The following NCOA1 variants were observed in gnomAD, a reference collection of about 807,000 sequenced individuals.
NCOA1 encodes nuclear receptor coactivator 1.
NCOA1 carries 35 observed loss-of-function variants against 150.9 expected under a neutral mutation model. The observed-to-expected ratio is 0.23, with a 90% CI of 0.18 to 0.31. The LOEUF (loss-of-function observed/expected upper bound fraction) is 0.31, where lower values mean the gene tolerates loss of function less well. NCOA1 is among the 10% of genes least tolerant of loss of function. NCOA1 has a pLI of 1.00. For missense variants in NCOA1, 1,491 were observed against 1,749.3 expected (o/e 0.85, Z 2.63); for synonymous variants, 590 against 630.0 (o/e 0.94, Z 0.95).
At chr2:24,531,346 C>T (rs538706162) in intron 1 of NCOA1, among the ~76,000 whole-genome samples, 47 of 152,012 alleles carry the variant, frequency 3.1e-4, no homozygotes, top group Admixed American at 1.6e-3. Context: ...TCAGCCAATG[C>T]GTGGGTAAAG....
chr2:24,708,545 G>C (rs1304084167), intron 13 of NCOA1, among the ~76,000 whole-genome samples: 1 of 151,938 alleles, frequency 6.6e-6, no homozygotes, highest in Non-Finnish European at 1.5e-5. Flanking sequence ...AAGTAAACAG[G>C]TATCTTCATT....
chr2:24,667,240 C>T (rs1292798235), intron 6 of NCOA1, among the ~76,000 whole-genome samples: 1 of 152,158 alleles, frequency 6.6e-6, no homozygotes, highest in East Asian at 1.9e-4. Context: ...CTCTCTGCCC[C>T]TTCCCTGCTT....
intron 13 of NCOA1, among the ~76,000 whole-genome samples, chr2:24,709,487 C>T (rs943050315): frequency 6.6e-6 from 1 of 152,144 alleles, no homozygotes; most frequent in South Asian, 2.1e-4. Flanking sequence ...CTAGTCTAGT[C>T]TCGTGACCAT....
intron 1 of NCOA1, among the ~76,000 whole-genome samples, chr2:24,523,631 GAAAC>G (rs1664525087): frequency 1.8e-5 from 1 of 55,898 alleles, no homozygotes; most frequent in Non-Finnish European, 3.5e-5. Context: ...AAAAAAAAAA[GAAAC>G]TGGGCTTTTT....
At chr2:24,715,880 C>T (rs571490686) in intron 14 of NCOA1, among the ~76,000 whole-genome samples, 18 of 152,218 alleles carry the variant, frequency 1.2e-4, no homozygotes, top group African/African-American at 4.1e-4. Context: ...CAGTGGCTCA[C>T]GCCTGTAATC....
chr2:24,554,486 C>G (rs974831243), intron 1 of NCOA1: 11 of 151,878 alleles, frequency 7.2e-5, no homozygotes, highest in Admixed American at 7.2e-4. Flanking sequence ...ACAGGAGATA[C>G]GGCAATCGTG....
chr2:24,593,531 A>G (rs1667745629), intron 3 of NCOA1, among the ~76,000 whole-genome samples: 1 of 152,098 alleles, frequency 6.6e-6, no homozygotes, highest in African/African-American at 2.4e-5. Flanking sequence ...TGTCCTTCCT[A>G]CATGTATACC....
chr2:24,707,388 A>G lies in NCOA1; in HGVS notation c.1918A>G (p.Thr640Ala), dbSNP rs1174921508. 1.2e-6 allele frequency: 2 copies of G among 1,614,072 alleles called. No individual in the cohort carries two copies. Among genetic ancestry groups the G allele is most frequent in the African/African-American group, 2.7e-5 (2 of 74,930 alleles). The change falls in exon 13 of 23, where the codon ACT becomes GCT. Residue 640 changes from threonine to alanine, a missense_variant. Physicochemically the swap from Thr to Ala is moderately conservative, Grantham distance 58 (BLOSUM62 0). Coordinates refer to ENST00000348332, the MANE Select transcript of NCOA1 (RefSeq NM_003743.5). Reference sequence around the variant, plus strand: ...CAAACTAGTGCAGCTTTTGACAACAACTGCCGAACAGCAGTTACGGCATGC... The same window carrying G: ...CAAACTAGTGCAGCTTTTGACAACAGCTGCCGAACAGCAGTTACGGCATGC... Reference protein sequence around the residue: ...SHKLVQLLTTTAEQQLRHADI... With the variant: ...SHKLVQLLTTAAEQQLRHADI...
intron 6 of NCOA1, among the ~76,000 whole-genome samples, chr2:24,670,509 C>G (rs763942679): frequency 5.9e-5 from 9 of 152,118 alleles, no homozygotes; most frequent in Non-Finnish European, 1.2e-4. Flanking sequence ...GAATAAAGTA[C>G]TGATAAATAA....
At chr2:24,592,490 C>T (rs1334229822) in intron 3 of NCOA1, among the ~76,000 whole-genome samples, 1 of 151,978 alleles carries the variant, frequency 6.6e-6, no homozygotes, top group Non-Finnish European at 1.5e-5. Flanking sequence ...AGCCTTTGCC[C>T]AGCCATCAAC....
rs1669499805 is a variant in NCOA1 at position 24,627,808 on chromosome 2, T to A, written c.-174-16158T>A. Among the ~76,000 whole-genome samples the A allele has an allele frequency of 2.0e-5, 3 of 152,238 alleles. No homozygotes were observed. In the South Asian group the frequency reaches 6.2e-4, roughly 31 times the overall value. ...GTGTTAGGTTTAATTTTTAGGTTTTTGAGTGTGGATTTTCTCTGACATCTT... is the reference window on the plus strand; with the variant it reads ...GTGTTAGGTTTAATTTTTAGGTTTTAGAGTGTGGATTTTCTCTGACATCTT... On this transcript the variant is annotated intron_variant, in intron 3 of 22. Transcript: ENST00000348332.
At chr2:24,661,911 T>C (rs1572557493) in intron 5 of NCOA1, among the ~76,000 whole-genome samples, 1 of 152,222 alleles carries the variant, frequency 6.6e-6, no homozygotes, top group African/African-American at 2.4e-5. Context: ...TATAGCATCA[T>C]TACAAATATA....
chr2:24,702,880 C>G (rs1673230421), intron 11 of NCOA1, among the ~76,000 whole-genome samples: 1 of 152,160 alleles, frequency 6.6e-6, no homozygotes, highest in African/African-American at 2.4e-5. Flanking sequence ...TTTATTGAAC[C>G]AACTCTGTAA....
chr2:24,729,513 G>T lies in NCOA1; in HGVS notation c.2899G>T (p.Asp967Tyr). 6.2e-7 allele frequency: 1 copy of T among 1,613,620 alleles called. No individual in the cohort carries two copies. The highest frequency in any genetic ancestry group is 8.5e-7 in the Non-Finnish European group (1 of 1,179,518). Residue 967 changes from aspartate to tyrosine, a missense_variant, in exon 17 of 23, where the codon GAT (aspartate) becomes TAT (tyrosine). Coordinates refer to ENST00000348332, the MANE Select transcript of NCOA1 (RefSeq NM_003743.5). The stretch of plus-strand genomic sequence containing the variant: ...TCTTTTCTAACAGGGGGGTGGATTA[G>T]ATGTATTATCAGAGAGATTTCCACC... ...IDKLVQGGGL[D>Y]VLSERFPPQQ...
At chr2:24,620,540 C>T (rs1019326060) in intron 3 of NCOA1, among the ~76,000 whole-genome samples, 3 of 152,022 alleles carry the variant, frequency 2.0e-5, no homozygotes, top group Non-Finnish European at 4.4e-5. Context: ...ACCTGGGAGG[C>T]GGAGGTTTTG....
intron 1 of NCOA1, among the ~76,000 whole-genome samples, chr2:24,495,723 A>C (rs1485126826): frequency 2.0e-5 from 3 of 152,222 alleles, no homozygotes; most frequent in Admixed American, 1.3e-4. Context: ...ATCTTTTAGA[A>C]AAGAAACTCT....
chr2:24,643,414 T>C (rs1183959922), intron 3 of NCOA1, among the ~76,000 whole-genome samples: 1 of 152,236 alleles, frequency 6.6e-6, no homozygotes, highest in Admixed American at 6.5e-5. Flanking sequence ...TTGTTTTTTA[T>C]ATTTTGTCCA....
intron 18 of NCOA1, 81 bp from the exon 19 acceptor site, chr2:24,741,703 G>A: frequency 7.0e-7 from 1 of 1,429,122 alleles, no homozygotes; most frequent in South Asian, 1.4e-5. Context: ...CCCCAAGCAA[G>A]TAGGCCTTAA....
At chr2:24,550,444 A>G (rs186573594) in intron 1 of NCOA1, among the ~76,000 whole-genome samples, 82 of 152,308 alleles carry the variant, frequency 5.4e-4, no homozygotes, top group African/African-American at 1.9e-3. Flanking sequence ...CACATCTTAC[A>G]TGGATGGCAG....
Sources: gnomAD v4.1 joint callset for allele counts (sites outside exome capture counted in the v4.1 genomes callset) on GRCh38, gnomAD v4.1.1 for gene constraint, MANE v1.5 for transcripts, NCBI Gene and HGNC (gene_info 2026-07-23, HGNC 2026-07-21) for gene names.